The following ADAMTSL2 variants were observed in gnomAD, a reference collection of about 807,000 sequenced individuals.
The protein encoded by ADAMTSL2 is ADAMTS like 2.
Under a neutral mutation model 117.0 loss-of-function variants are expected in ADAMTSL2, and 55 were observed. That is an observed-to-expected ratio of 0.47 (90% CI 0.38 to 0.59). The LOEUF (loss-of-function observed/expected upper bound fraction) is 0.59, where lower values mean the gene tolerates loss of function less well. ADAMTSL2 is among the 20% of genes least tolerant of loss of function. The pLI is 0.00. For synonymous variants in ADAMTSL2, 572 were observed against 566.4 expected (o/e 1.01, Z -0.14); for missense variants, 1,182 against 1,354.5 (o/e 0.87, Z 2.00).
intron 11 of ADAMTSL2, 131 bp from the exon 12 acceptor site, chr9:133,561,067 C>A: frequency 1.3e-6 from 1 of 793,266 alleles, no homozygotes; most frequent in South Asian, 1.4e-5. Context: ...GAGGGTCGGC[C>A]CGGGGCTCAG....
chr9:133,574,158 C>G (rs1416887505), intron 18 of ADAMTSL2, among the ~76,000 whole-genome samples, 171 bp downstream of exon 18: 2 of 152,150 alleles, frequency 1.3e-5, no homozygotes, highest in African/African-American at 4.8e-5. Context: ...ATGGCCGAGC[C>G]CCACTGGGAG....
At position 133,558,173 on chromosome 9, in the gene ADAMTSL2, A is replaced by G. The variant is rs1022644860; in HGVS notation, c.1649+2243A>G. Reference sequence around the variant, plus strand: ...CAGGGGCCTCAAGGGTCGATCAACTAGGCTGTCAGCACTCAGAAAGGCCCT... The same window carrying G: ...CAGGGGCCTCAAGGGTCGATCAACTGGGCTGTCAGCACTCAGAAAGGCCCT... On this transcript the variant is annotated intron_variant, in intron 11 of 18. Coordinates refer to ENST00000651351, the MANE Select transcript of ADAMTSL2 (RefSeq NM_014694.4). This position sits in a 1 kb window ranked among gnomAD's most constrained non-coding sequence, Gnocchi z 4.3. Among the ~76,000 whole-genome samples, 14 of 152,200 alleles carry G rather than the reference A, an allele frequency of 9.2e-5. No individual in the cohort carries two copies. Among genetic ancestry groups the G allele is most frequent in the Admixed American group, 5.2e-4 (8 of 15,290 alleles).
rs35516063 is a variant in ADAMTSL2, at chr9:133,562,928, A to AC, written c.1747+1635dup. Among the ~76,000 whole-genome samples the AC allele has an allele frequency of 5.7e-3, 482 of 83,890 alleles. 66 individuals are homozygous for AC. The highest frequency in any genetic ancestry group is 0.022 in the African/African-American group (342 of 15,858). 55.0% of individuals were successfully genotyped at this position (83,890 alleles called of 152,430 possible). On this transcript the variant is annotated intron_variant, in intron 12 of 18. Transcript: ENST00000651351. ...CACCGCTGTGGGCGGCGTGGTGGGCACCGGCTTGGCCAGGCTCGCACCGCT... is the reference window on the plus strand; with the variant it reads ...CACCGCTGTGGGCGGCGTGGTGGGCACCCGGCTTGGCCAGGCTCGCACCGCT...
Position 133,536,694 on chromosome 9 carries a change from A to AG in ADAMTSL2, c.-18dup. ...GGATCGGAGCTGGCCTGGTGGTGAC[A>AG]GTGGCCTTGCTTCCTAGGATGGATG... On this transcript the variant is annotated 5_prime_UTR_variant, in exon 2 of 19. An upstream open reading frame in the 5' UTR gains an earlier in-frame stop. Coordinates refer to ENST00000651351, the MANE Select transcript of ADAMTSL2 (RefSeq NM_014694.4). 1 of 1,614,168 alleles carries AG rather than the reference A, an allele frequency of 6.2e-7. No individual in the cohort carries two copies. The highest frequency in any genetic ancestry group is 2.2e-5 in the East Asian group (1 of 44,882).
chr9:133,537,524 G>T lies in ADAMTSL2; in HGVS notation c.210G>T (p.Gln70His). 7.4e-7 allele frequency: 1 copy of T among 1,351,096 alleles called. No homozygotes were observed. Among genetic ancestry groups the T allele is most frequent in the Non-Finnish European group, 9.6e-7 (1 of 1,042,504 alleles). The allele number at this position is 1,351,096 out of a possible 1,614,324, so 83.7% of individuals were successfully genotyped here. A position where few individuals can be genotyped will look rare whatever the true frequency, so the allele number is the denominator to read the frequency against. The change falls in exon 3 of 19, where the codon CAG becomes CAT. Residue 70 changes from glutamine to histidine, a missense_variant. Around this residue, in one of 3 missense-constraint regions of ADAMTSL2, gnomAD observed 372 missense variants for 463.4 expected, o/e 0.80. Transcript: ENST00000651351. ...GTTGCGGGGGTGGGGTGACATCCCA[G>T]GAGCGGCACTGCCTGCAGCAGAGGT... is the stretch of plus-strand genomic sequence containing the variant. ...SRSCGGGVTS[Q>H]ERHCLQQRRK... is the part of the protein sequence containing the mutation.
intron 5 of ADAMTSL2, among the ~76,000 whole-genome samples, 188 bp downstream of exon 5, chr9:133,540,061 A>C (rs1830175137): frequency 6.6e-6 from 1 of 152,170 alleles, no homozygotes; most frequent in African/African-American, 2.4e-5. Context: ...CCCATGACCC[A>C]TGACATCAAC....
chr9:133,552,597 A>G (rs2131133905), intron 9 of ADAMTSL2, among the ~76,000 whole-genome samples: 1 of 152,294 alleles, frequency 6.6e-6, no homozygotes, highest in East Asian at 1.9e-4. Flanking sequence ...GATAGAAAAG[A>G]ACATATTTTC....
chr9:133,551,863 C>T (rs1489680902), intron 9 of ADAMTSL2, among the ~76,000 whole-genome samples: 1 of 145,164 alleles, frequency 6.9e-6, no homozygotes, highest in Non-Finnish European at 1.5e-5. Context: ...GGAGTCTTAC[C>T]CTGTTGCCCA....
chr9:133,568,967 C>T (rs1831041558), intron 15 of ADAMTSL2, among the ~76,000 whole-genome samples: 1 of 152,166 alleles, frequency 6.6e-6, no homozygotes, highest in South Asian at 2.1e-4. Context: ...CTGTTTATCT[C>T]TCTGTATCTC....
rs368160417 is a variant in ADAMTSL2, at chr9:133,557,738, G to C, written c.1649+1808G>C. Among the ~76,000 whole-genome samples the C allele has an allele frequency of 1.4e-4, 22 of 152,330 alleles. No homozygotes were observed. In the East Asian group the frequency reaches 4.1e-3, roughly 28 times the overall value. Reference sequence around the variant, plus strand: ...CTCCAGTAAGTAGAAGCTATTAGTAGAAAACTGAGCCTCCAAGTGGCAGCA... The same window carrying C: ...CTCCAGTAAGTAGAAGCTATTAGTACAAAACTGAGCCTCCAAGTGGCAGCA... On this transcript the variant is annotated intron_variant, in intron 11 of 18. Transcript: ENST00000651351. The surrounding 1 kb of genome is among the most constrained non-coding windows in gnomAD (Gnocchi z 5.2).
At chr9:133,540,565 C>T in intron 5 of ADAMTSL2, 33 bp from the exon 6 acceptor site, 3 of 1,611,738 alleles carry the variant, frequency 1.9e-6, no homozygotes, top group Non-Finnish European at 2.5e-6. Flanking sequence ...TCCTGCCCCG[C>T]TGAAACCTTC....
intron 12 of ADAMTSL2, among the ~76,000 whole-genome samples, chr9:133,562,963 G>A (rs1311121249): frequency 4.8e-5 from 7 of 146,144 alleles, no homozygotes; most frequent in East Asian, 2.0e-4. Context: ...TGTGGGCGGC[G>A]TGGTGGGCAC....
intron 8 of ADAMTSL2, among the ~76,000 whole-genome samples, chr9:133,546,077 C>G (rs1210253921): frequency 1.3e-5 from 2 of 152,102 alleles, no homozygotes; most frequent in African/African-American, 4.8e-5. Flanking sequence ...TTTAAGGACA[C>G]CCTTTGGAAG....
Position 133,541,012 on chromosome 9 carries a change from G to A in ADAMTSL2, c.682+11G>A, listed in dbSNP as rs1189569614. The A allele has an allele frequency of 6.2e-7, 1 of 1,611,668 alleles. No individual in the cohort carries two copies. Among genetic ancestry groups the A allele is most frequent in the Non-Finnish European group, 8.5e-7 (1 of 1,179,370 alleles). On this transcript the variant is annotated intron_variant, in intron 7 of 18. Transcript: ENST00000651351. ...GGAATGCCCACCTTGGTAAGCCACA[G>A]CGCGCCCTGGAGTCCAAGCACAGCA...
At chr9:133,560,354 C>T (rs1830697426) in intron 11 of ADAMTSL2, among the ~76,000 whole-genome samples, 2 of 152,238 alleles carry the variant, frequency 1.3e-5, no homozygotes, top group South Asian at 4.1e-4. Flanking sequence ...CGCCCCTTCT[C>T]TGGCTCAGGG....
intron 11 of ADAMTSL2, among the ~76,000 whole-genome samples, chr9:133,559,603 C>T (rs1244524028): frequency 2.0e-5 from 3 of 151,460 alleles, no homozygotes; most frequent in African/African-American, 4.8e-5. Context: ...CCACCCGCCT[C>T]GGCCTCCCAA....
At chr9:133,570,032 G>A (rs1490373404) in intron 16 of ADAMTSL2, among the ~76,000 whole-genome samples, 5 of 152,206 alleles carry the variant, frequency 3.3e-5, no homozygotes, top group South Asian at 2.1e-4. Flanking sequence ...TCACTAAACC[G>A]GATAATCTCG....
intron 8 of ADAMTSL2, 39 bp downstream of exon 8, chr9:133,544,589 T>C: frequency 6.4e-7 from 1 of 1,570,940 alleles, no homozygotes; most frequent in Non-Finnish European, 8.8e-7. Context: ...CACTGAGCTT[T>C]TGGTTGTGGA....
Position 133,566,932 on chromosome 9 carries a change from C to G in ADAMTSL2, c.1748-4C>G. On this transcript the variant is annotated splice_polypyrimidine_tract_variant and splice_region_variant and intron_variant, in intron 12 of 18. Coordinates refer to ENST00000651351, the MANE Select transcript of ADAMTSL2 (RefSeq NM_014694.4). ...TCACAGACCCACCCCTGTCCCCAAC[C>G]CAGGGGTCATGTCTGCGTACGCCAT... The G allele has an allele frequency of 6.2e-7, 1 of 1,605,674 alleles. No homozygotes were observed. Among genetic ancestry groups the G allele is most frequent in the Non-Finnish European group, 8.5e-7 (1 of 1,176,734 alleles).
Sources: allele counts gnomAD v4.1 joint callset (sites outside exome capture counted in the v4.1 genomes callset), GRCh38; gene constraint gnomAD v4.1.1; regional missense constraint gnomAD v4.1.1; non-coding constraint Gnocchi (gnomAD v3.1); transcripts MANE v1.5; gene names NCBI Gene and HGNC (gene_info 2026-07-23, HGNC 2026-07-21).